SHANK2: variants seen among roughly 807,000 people sequenced by gnomAD.
SHANK2 encodes the protein SH3 and multiple ankyrin repeat domains 2.
A neutral mutation model predicts 133.7 loss-of-function variants in SHANK2; 43 were observed. That is an observed-to-expected ratio of 0.32 (90% CI 0.25 to 0.41). SHANK2 has a LOEUF of 0.41. SHANK2 is among the 10% of genes least tolerant of loss of function. The pLI is 1.00. For missense variants in SHANK2, 1,994 were observed against 2,235.8 expected (o/e 0.89, Z 2.18); for synonymous variants, 1,017 against 952.8 (o/e 1.07, Z -1.24).
chr11:70,909,908 T>C (rs1028717201), intron 10 of SHANK2, among the ~76,000 whole-genome samples: 5 of 152,236 alleles, frequency 3.3e-5, no homozygotes, highest in African/African-American at 4.8e-5. Context: ...CAGACCGGGC[T>C]GCTTAAGCCA....
At chr11:71,170,942 C>T (rs960035342) in intron 2 of SHANK2, among the ~76,000 whole-genome samples, 1 of 152,228 alleles carries the variant, frequency 6.6e-6, no homozygotes, top group Admixed American at 6.5e-5. Flanking sequence ...ACCACGGCTG[C>T]GGCTATGACA....
At chr11:70,914,712 T>C (rs928288182) in intron 10 of SHANK2, among the ~76,000 whole-genome samples, 4 of 147,298 alleles carry the variant, frequency 2.7e-5, no homozygotes, top group African/African-American at 1.0e-4. Context: ...TAAAATAAAA[T>C]AAAATAAAAC....
intron 14 of SHANK2, among the ~76,000 whole-genome samples, chr11:70,755,002 TA>T (rs1946835302): frequency 6.6e-6 from 1 of 151,752 alleles, no homozygotes; most frequent in African/African-American, 2.4e-5. Flanking sequence ...ACGATACTAG[TA>T]AAAGCAAGAT....
chr11:70,735,839 C>T (rs897826328), intron 14 of SHANK2, among the ~76,000 whole-genome samples: 16 of 152,020 alleles, frequency 1.1e-4, no homozygotes, highest in African/African-American at 3.9e-4. Context: ...GTAGCTCTCT[C>T]TTCAGCGTGT....
intron 2 of SHANK2, among the ~76,000 whole-genome samples, chr11:71,224,223 A>G (rs934848471): frequency 2.0e-5 from 3 of 152,202 alleles, no homozygotes; most frequent in Admixed American, 2.0e-4. Flanking sequence ...GATACCAGCA[A>G]GGCACAGAGG....
intron 17 of SHANK2, among the ~76,000 whole-genome samples, chr11:70,563,090 C>T (rs572446449): frequency 9.2e-5 from 14 of 152,202 alleles, no homozygotes; most frequent in East Asian, 1.9e-4. Context: ...AGCATGGTCT[C>T]GATCTCTTGA....
chr11:70,514,413 G>A (rs553912302), intron 17 of SHANK2, among the ~76,000 whole-genome samples: 199 of 152,212 alleles, frequency 1.3e-3, no homozygotes, highest in Non-Finnish European at 1.9e-3. Flanking sequence ...CTGGATCTAT[G>A]GATGGCACAA....
Position 71,252,132 on chromosome 11 carries a change from C to A in SHANK2, c.-113+293G>T, listed in dbSNP as rs1455523019. Among the ~76,000 whole-genome samples the A allele has an allele frequency of 6.6e-6, 1 of 152,198 alleles. No individual in the cohort carries two copies. The highest frequency in any genetic ancestry group is 1.5e-5 in the Non-Finnish European group (1 of 68,020). On this transcript the variant is annotated intron_variant, in intron 1 of 25. Transcript: ENST00000601538. The surrounding 1 kb of genome is among the most constrained non-coding windows in gnomAD (Gnocchi z 6.3). ...GAGATAAAGCGGGGGCTCCTTCCTG[C>A]GCTCTGCCCCCACGCCGCTTCCAAA...
chr11:70,575,083 A>C (rs1264614053), intron 17 of SHANK2, among the ~76,000 whole-genome samples: 1 of 152,208 alleles, frequency 6.6e-6, no homozygotes, highest in East Asian at 1.9e-4. Context: ...TCTGCGGTGC[A>C]TTCAAGCTGG....
chr11:70,822,974 C>T (rs534535753), intron 11 of SHANK2, among the ~76,000 whole-genome samples: 4 of 109,030 alleles, frequency 3.7e-5, no homozygotes, highest in Admixed American at 1.0e-4. Context: ...ACAGAGGTGG[C>T]GCTGGCAGAG....
chr11:71,097,208 C>A (rs1349246992), intron 6 of SHANK2, among the ~76,000 whole-genome samples: 1 of 152,124 alleles, frequency 6.6e-6, no homozygotes, highest in Non-Finnish European at 1.5e-5. Flanking sequence ...GTCAGGAGAC[C>A]CCCTCTTCCC....
intron 8 of SHANK2, among the ~76,000 whole-genome samples, chr11:71,085,828 TA>T (rs1454914322): frequency 0.46 from 152 of 334 alleles, 5 homozygotes; most frequent in Admixed American, 0.5. Flanking sequence ...TATTATATAA[TA>T]ATATTATACA....
intron 2 of SHANK2, among the ~76,000 whole-genome samples, chr11:71,156,176 C>T (rs1555109078): frequency 6.6e-6 from 1 of 152,214 alleles, no homozygotes; most frequent in African/African-American, 2.4e-5. Context: ...CAATGTCTGT[C>T]GTCTAGACTG....
chr11:70,767,216 A>G (rs1281527102), intron 14 of SHANK2, among the ~76,000 whole-genome samples: 1 of 152,214 alleles, frequency 6.6e-6, no homozygotes, highest in Non-Finnish European at 1.5e-5. Context: ...GCCCAGCCCC[A>G]GGAGAGGGCC....
intron 25 of SHANK2, among the ~76,000 whole-genome samples, chr11:70,476,800 T>C (rs2058670431): frequency 1.3e-5 from 2 of 152,194 alleles, no homozygotes; most frequent in South Asian, 2.1e-4. Context: ...GCCCTGACTC[T>C]GGGCAGCTCC....
Position 70,616,448 on chromosome 11 carries a change from C to T in SHANK2, c.2061+43380G>A, listed in dbSNP as rs151285302. ...GTGAGCTGAGCAGAGGATGTGAATT[C>T]GAGTGCTAGGACCGCCCGAGGAGGG... On this transcript the variant is annotated intron_variant, in intron 17 of 25. Coordinates refer to ENST00000601538, the MANE Select transcript of SHANK2 (RefSeq NM_012309.5). Among the ~76,000 whole-genome samples, 560 of 152,182 alleles carry T rather than the reference C, an allele frequency of 3.7e-3. 4 individuals are homozygous for T. Among genetic ancestry groups the T allele is most frequent in the African/African-American group, 0.013 (528 of 41,534 alleles).
At chr11:71,182,993 T>C (rs548884608) in intron 2 of SHANK2, among the ~76,000 whole-genome samples, 1 of 152,172 alleles carries the variant, frequency 6.6e-6, no homozygotes, top group Non-Finnish European at 1.5e-5. Context: ...GTGTGAGTAA[T>C]AAACTCCTTC....
intron 4 of SHANK2, among the ~76,000 whole-genome samples, chr11:71,114,780 T>G (rs1951948948): frequency 6.6e-6 from 1 of 152,278 alleles, no homozygotes; most frequent in East Asian, 1.9e-4. Flanking sequence ...CAGAAGCCAC[T>G]GAGAATGATG....
At chr11:70,872,603 C>T (rs75797666) in intron 11 of SHANK2, among the ~76,000 whole-genome samples, 3,170 of 151,848 alleles carry the variant, frequency 0.021, 99 homozygotes, top group African/African-American at 0.073. Flanking sequence ...ACAGAGGGGC[C>T]CCCCACAGAC....
Sources: gnomAD v4.1 joint callset for allele counts (sites outside exome capture counted in the v4.1 genomes callset) on GRCh38, gnomAD v4.1.1 for gene constraint, Gnocchi (gnomAD v3.1) non-coding constraint, MANE v1.5 for transcripts, NCBI Gene and HGNC (gene_info 2026-07-23, HGNC 2026-07-21) for gene names.